Variants in INPP5B observed in about 807,000 individuals in gnomAD.
INPP5B encodes type II inositol 1,4,5-trisphosphate 5-phosphatase.
INPP5B carries 90 observed loss-of-function variants against 118.5 expected under a neutral mutation model. The observed-to-expected ratio is 0.76, with a 90% CI of 0.64 to 0.90. INPP5B has a LOEUF of 0.90. Ranked by LOEUF, INPP5B falls within the 40% of genes least tolerant of loss-of-function variation. The pLI is 0.00. For missense variants in INPP5B, 984 were observed against 1,125.6 expected (o/e 0.87, Z 1.80); for synonymous variants, 385 against 418.9 (o/e 0.92, Z 0.99).
At chr1:37,923,042 G>C (rs1367039244) in intron 7 of INPP5B, among the ~76,000 whole-genome samples, 1 of 152,142 alleles carries the variant, frequency 6.6e-6, no homozygotes, top group Non-Finnish European at 1.5e-5. Context: ...AAGCGGGGAG[G>C]GCAACACAGA....
chr1:37,862,567 C>G, intron 23 of INPP5B, 137 bp from the exon 24 acceptor site: 1 of 652,020 alleles, frequency 1.5e-6, no homozygotes, highest in Non-Finnish European at 2.7e-6. Flanking sequence ...ATAGCGTGTA[C>G]TTAAACTTTC....
chr1:37,896,979 G>A (rs1570169529), intron 7 of INPP5B, among the ~76,000 whole-genome samples: 2 of 112,784 alleles, frequency 1.8e-5, no homozygotes, highest in Non-Finnish European at 4.2e-5. Flanking sequence ...CCGGGAGGGA[G>A]GTGGGGGGGT....
intron 7 of INPP5B, among the ~76,000 whole-genome samples, chr1:37,893,618 C>T (rs970391102): frequency 6.6e-6 from 1 of 152,154 alleles, no homozygotes. Flanking sequence ...CCCACCCTCT[C>T]CAACCCAGTT....
intron 7 of INPP5B, among the ~76,000 whole-genome samples, chr1:37,911,189 G>A (rs923600331): frequency 5.3e-5 from 8 of 152,142 alleles, no homozygotes; most frequent in Non-Finnish European, 2.9e-5. Flanking sequence ...AAAATCACAA[G>A]CTATGCTCCA....
chr1:37,914,494 G>A (rs931829684), intron 7 of INPP5B, among the ~76,000 whole-genome samples: 1 of 151,876 alleles, frequency 6.6e-6, no homozygotes, highest in African/African-American at 2.4e-5. Flanking sequence ...CATCCCCACT[G>A]GAAGCTTCTC....
chr1:37,878,639 TTTTA>T (rs984563579), intron 15 of INPP5B: 9 of 234,586 alleles, frequency 3.8e-5, no homozygotes, highest in Admixed American at 6.5e-5. Context: ...TATTTTTTAT[TTTTA>T]TTTATTTATT....
chr1:37,943,449 G>T (rs998389127), intron 5 of INPP5B, among the ~76,000 whole-genome samples, 191 bp downstream of exon 5: 1 of 152,140 alleles, frequency 6.6e-6, no homozygotes, highest in Non-Finnish European at 1.5e-5. Context: ...GTTATCGGGG[G>T]AGACGGAAAC....
intron 15 of INPP5B, 28 bp downstream of exon 15, chr1:37,880,057 C>A: frequency 6.6e-7 from 1 of 1,504,642 alleles, no homozygotes; most frequent in South Asian, 1.2e-5. Flanking sequence ...TCCGTTTGCT[C>A]AACCCTTTGA....
chr1:37,892,044 T>TA (rs536719150), intron 7 of INPP5B, among the ~76,000 whole-genome samples: 80 of 152,304 alleles, frequency 5.3e-4, no homozygotes, highest in Non-Finnish European at 7.6e-4. Flanking sequence ...AAGGAAAGAA[T>TA]AAAACCATGA....
chr1:37,897,044 G>T (rs1203487547), intron 7 of INPP5B, among the ~76,000 whole-genome samples: 1 of 139,214 alleles, frequency 7.2e-6, no homozygotes, highest in East Asian at 2.3e-4. Flanking sequence ...ACCTCTGCCC[G>T]GCTGCCCCTA....
intron 13 of INPP5B, 182 bp downstream of exon 13, chr1:37,885,456 G>T (rs1643473318): frequency 3.8e-6 from 2 of 524,794 alleles, no homozygotes; most frequent in South Asian, 3.1e-5. Context: ...CAAGAGATCT[G>T]CCAGATAGCA....
intron 21 of INPP5B, 114 bp from the exon 22 acceptor site, chr1:37,866,002 G>T: frequency 6.6e-7 from 1 of 1,506,128 alleles, no homozygotes; most frequent in Non-Finnish European, 8.9e-7. Context: ...TCTGCTCAGG[G>T]CTAGGATGCC....
At chr1:37,902,820 A>G (rs115167102) in intron 7 of INPP5B, among the ~76,000 whole-genome samples, 6,171 of 152,030 alleles carry the variant, frequency 0.041, 166 homozygotes, top group East Asian at 0.06. Context: ...AGCCTCCCAA[A>G]ATATATTTTT....
At chr1:37,938,416 C>G (rs1003200777) in intron 6 of INPP5B, among the ~76,000 whole-genome samples, 1 of 152,058 alleles carries the variant, frequency 6.6e-6, no homozygotes, top group Admixed American at 6.6e-5. Flanking sequence ...ATGTGAGCTA[C>G]GAGTCTTCTT....
chr1:37,903,603 T>C (rs1557676314), intron 7 of INPP5B, among the ~76,000 whole-genome samples: 3 of 152,150 alleles, frequency 2.0e-5, no homozygotes, highest in African/African-American at 7.2e-5. Flanking sequence ...GGCGGGTGCC[T>C]GTAGTCCCAG....
chr1:37,868,765 A>T (rs1642210823), intron 19 of INPP5B, 151 bp from the exon 20 acceptor site: 3 of 649,258 alleles, frequency 4.6e-6, no homozygotes, highest in South Asian at 1.7e-5. Context: ...AGGTGGTATG[A>T]TCAAGGAACA....
chr1:37,945,059 A>G (rs892333960), intron 3 of INPP5B, among the ~76,000 whole-genome samples: 4 of 152,158 alleles, frequency 2.6e-5, no homozygotes, highest in Non-Finnish European at 4.4e-5. Flanking sequence ...ACCTGAGGCC[A>G]GGAGTTCCAG....
chr1:37,875,842 TTTAG>T, intron 16 of INPP5B, 126 bp from the exon 17 acceptor site: 1 of 657,570 alleles, frequency 1.5e-6, no homozygotes, highest in Non-Finnish European at 2.7e-6. Context: ...AGGCTATAGA[TTTAG>T]TTAATTAATG....
chr1:37,892,818 G>GT (rs1353128645), intron 7 of INPP5B, among the ~76,000 whole-genome samples: 1 of 152,128 alleles, frequency 6.6e-6, no homozygotes, highest in Non-Finnish European at 1.5e-5. Flanking sequence ...GGTGTGAGGT[G>GT]TTTAGGTCAC....
Sources: allele counts gnomAD v4.1 joint callset (sites outside exome capture counted in the v4.1 genomes callset), GRCh38; gene constraint gnomAD v4.1.1; transcripts MANE v1.5; gene names NCBI Gene and HGNC (gene_info 2026-07-23, HGNC 2026-07-21).